Variants in CSMD1 observed in about 807,000 individuals in gnomAD.
CSMD1 encodes CUB and Sushi multiple domains 1.
Under a neutral mutation model 417.5 loss-of-function variants are expected in CSMD1, and 213 were observed. The observed-to-expected ratio is 0.51, with a 90% CI of 0.46 to 0.57. The LOEUF (loss-of-function observed/expected upper bound fraction) is 0.57. Among genes scored for constraint, CSMD1 ranks in the 20% least tolerant of loss-of-function variants. The pLI, the probability that CSMD1 is intolerant of heterozygous loss-of-function variation, is 0.00. For missense variants in CSMD1, 6,923 were observed against 4,529.7 expected, an observed-to-expected ratio of 1.53 and a Z score of -15.17; for synonymous variants, 2,862 against 1,736.8, an observed-to-expected ratio of 1.65 and a Z score of -16.11.
intron 1 of CSMD1, among the ~76,000 whole-genome samples, chr8:4,815,157 G>C (rs1244829999): frequency 6.6e-6 from 1 of 152,142 alleles, no homozygotes; most frequent in African/African-American, 2.4e-5. Flanking sequence ...GTTGGAACGT[G>C]TAATAATGAA....
intron 1 of CSMD1, among the ~76,000 whole-genome samples, chr8:4,912,057 A>G (rs1402960824): frequency 8.6e-5 from 13 of 150,490 alleles, no homozygotes; most frequent in Admixed American, 6.7e-4. Flanking sequence ...AAGAAAAAGA[A>G]AAAACCTAAA....
rs534444605 is a variant in CSMD1 at position 3,213,793 on chromosome 8, A to T, written c.4867+704T>A. 1.5e-4 allele frequency among the ~76,000 whole-genome samples: 22 copies of T among 150,850 alleles called. No individual in the cohort carries two copies. In the South Asian group the frequency reaches 4.2e-3, roughly 29 times the overall value. ...TGTGTGTGTGTATGTATATATATGTATGAGACTCCATCTCATATATATATA... is the reference window on the plus strand; with the variant it reads ...TGTGTGTGTGTATGTATATATATGTTTGAGACTCCATCTCATATATATATA... On this transcript the variant is annotated intron_variant, in intron 30 of 69. Transcript: ENST00000635120.
Position 4,529,961 on chromosome 8 carries a change from C to CTGGA in CSMD1, c.302+107377_302+107380dup, listed in dbSNP as rs1456477656. ...ACCGAGTCTCGATTTGTCACCCAGG[C>CTGGA]TGGAGTGCAGTGGCGAGATCCCGGC... On this transcript the variant is annotated intron_variant, in intron 2 of 69. Coordinates refer to ENST00000635120, the MANE Select transcript of CSMD1 (RefSeq NM_033225.6). Among the ~76,000 whole-genome samples, 14 of 151,822 alleles carry CTGGA rather than the reference C, an allele frequency of 9.2e-5. No individual in the cohort carries two copies. The East Asian group carries it at 2.7e-3, about 30-fold the overall frequency.
At chr8:4,103,659 A>C in intron 3 of CSMD1, among the ~76,000 whole-genome samples, 1 of 152,176 alleles carries the variant, frequency 6.6e-6, no homozygotes, top group East Asian at 1.9e-4. Flanking sequence ...GGTATCTGAT[A>C]TGCCACATTT....
Position 4,946,170 on chromosome 8 carries a change from A to G in CSMD1, c.85+48162T>C, listed in dbSNP as rs79094376. The stretch of plus-strand genomic sequence containing the variant: ...AAAGCAGTTTCAATTAAAAACTTTG[A>G]TACTCCGTGTTGTTTTGGTCTGACT... On this transcript the variant is annotated intron_variant, in intron 1 of 69. Transcript: ENST00000635120. Among the ~76,000 whole-genome samples the G allele has an allele frequency of 6.1e-3, 934 of 152,236 alleles. 3 individuals are homozygous for G. The highest frequency in any genetic ancestry group is 0.01 in the African/African-American group (435 of 41,550).
At chr8:3,898,349 ACT>A (rs762977123) in intron 5 of CSMD1, among the ~76,000 whole-genome samples, 4 of 113,804 alleles carry the variant, frequency 3.5e-5, no homozygotes, top group African/African-American at 1.0e-4. Context: ...TGTGTAGTAA[ACT>A]CTCTGTTATA....
chr8:3,606,598 A>C (rs1321619136), intron 8 of CSMD1, among the ~76,000 whole-genome samples: 1 of 151,824 alleles, frequency 6.6e-6, no homozygotes, highest in African/African-American at 2.4e-5. Flanking sequence ...ATGACTGTAC[A>C]CTCCTGTAGA....
At chr8:4,777,449 G>C (rs1398579968) in intron 1 of CSMD1, among the ~76,000 whole-genome samples, 1 of 152,076 alleles carries the variant, frequency 6.6e-6, no homozygotes, top group Admixed American at 6.6e-5. Flanking sequence ...AATTGTTAGG[G>C]ACAGATGTGT....
chr8:3,834,444 C>A (rs977757965), intron 5 of CSMD1, among the ~76,000 whole-genome samples: 1 of 152,186 alleles, frequency 6.6e-6, no homozygotes, highest in Non-Finnish European at 1.5e-5. Context: ...ACTCACTGGG[C>A]TTCCCCGGCA....
At chr8:3,953,173 G>C (rs1248911053) in intron 5 of CSMD1, among the ~76,000 whole-genome samples, 4 of 152,006 alleles carry the variant, frequency 2.6e-5, no homozygotes, top group African/African-American at 7.2e-5. Context: ...AACTGGATTA[G>C]AGATTTTACT....
intron 5 of CSMD1, among the ~76,000 whole-genome samples, chr8:3,781,481 G>T (rs570307305): frequency 1.4e-5 from 2 of 144,498 alleles, no homozygotes; most frequent in African/African-American, 5.5e-5. Context: ...GCTGATAGTT[G>T]CACCACGTGG....
chr8:4,913,574 A>G (rs1435142629), intron 1 of CSMD1, among the ~76,000 whole-genome samples: 2 of 152,218 alleles, frequency 1.3e-5, no homozygotes, highest in Non-Finnish European at 2.9e-5. Flanking sequence ...ATATGCGTCC[A>G]CAGCTCATTT....
intron 37 of CSMD1, among the ~76,000 whole-genome samples, chr8:3,171,369 C>T (rs1396994866): frequency 6.6e-6 from 1 of 152,154 alleles, no homozygotes; most frequent in African/African-American, 2.4e-5. Context: ...ATACTATTTC[C>T]CTTTTTAACA....
intron 1 of CSMD1, among the ~76,000 whole-genome samples, chr8:4,883,302 G>A (rs1160123515): frequency 6.6e-6 from 1 of 151,958 alleles, no homozygotes; most frequent in African/African-American, 2.4e-5. Flanking sequence ...ACAGATAAAT[G>A]TATATAATAC....
intron 5 of CSMD1, among the ~76,000 whole-genome samples, chr8:3,983,687 T>G (rs2554726): frequency 0.11 from 16,035 of 152,276 alleles, 1,022 homozygotes; most frequent in Non-Finnish European, 0.14. Flanking sequence ...CAGGACAAGT[T>G]CTAATCCCAT....
At chr8:3,929,854 G>C (rs575002207) in intron 5 of CSMD1, among the ~76,000 whole-genome samples, 1 of 149,692 alleles carries the variant, frequency 6.7e-6, no homozygotes, top group South Asian at 2.2e-4. Context: ...TAGAGACGCG[G>C]TTTCACCATA....
At chr8:4,106,555 A>G (rs573432156) in intron 3 of CSMD1, among the ~76,000 whole-genome samples, 1 of 152,362 alleles carries the variant, frequency 6.6e-6, no homozygotes, top group Non-Finnish European at 1.5e-5. Flanking sequence ...AGCCACATTA[A>G]AAAACTAAAA....
At chr8:3,463,833 G>C (rs1243039703) in intron 12 of CSMD1, among the ~76,000 whole-genome samples, 1 of 152,096 alleles carries the variant, frequency 6.6e-6, no homozygotes, top group Non-Finnish European at 1.5e-5. Context: ...GCTGGTTTTT[G>C]AACCATCTCC....
In CSMD1 at chr8:3,854,166, A is replaced by C. The variant is rs1359385414; in HGVS notation, c.819-100124T>G. ...ATTAAAGTATAATAATAATAAAAAA[A>C]AAAAAACACGTCTTGGAAATGGACC... On this transcript the variant is annotated intron_variant, in intron 5 of 69. Coordinates refer to ENST00000635120, the MANE Select transcript of CSMD1 (RefSeq NM_033225.6). 2.1e-3 allele frequency among the ~76,000 whole-genome samples: 306 copies of C among 147,830 alleles called. 1 individual carries two copies. Among genetic ancestry groups the C allele is most frequent in the Non-Finnish European group, 2.1e-3 (141 of 67,122 alleles).
Sources: allele counts gnomAD v4.1 joint callset (sites outside exome capture counted in the v4.1 genomes callset), GRCh38; gene constraint gnomAD v4.1.1; transcripts MANE v1.5; gene names NCBI Gene and HGNC (gene_info 2026-07-23, HGNC 2026-07-21).